Variants in CAMK1D observed in about 807,000 individuals in gnomAD.
CAMK1D encodes the protein calcium/calmodulin-dependent protein kinase type 1D.
A neutral mutation model predicts 47.7 loss-of-function variants in CAMK1D; 9 were observed. The ratio of observed to expected loss-of-function variants is 0.19; its 90% CI spans 0.11 to 0.33. The LOEUF (loss-of-function observed/expected upper bound fraction) is 0.33, where lower values mean the gene tolerates loss of function less well. Among genes scored for constraint, CAMK1D ranks in the 10% least tolerant of loss-of-function variants. The pLI is 1.00. For synonymous variants in CAMK1D, 184 were observed against 184.9 expected (o/e 0.99, Z 0.04); for missense variants, 291 against 488.7 (o/e 0.60, Z 3.81).
chr10:12,789,260 A>T (rs1837873592), intron 5 of CAMK1D, among the ~76,000 whole-genome samples: 1 of 151,176 alleles, frequency 6.6e-6, no homozygotes. Context: ...GTATTAGTGT[A>T]TTTTATGTGA....
chr10:12,797,487 A>G (rs545429512), intron 6 of CAMK1D, among the ~76,000 whole-genome samples: 2 of 152,102 alleles, frequency 1.3e-5, no homozygotes, highest in East Asian at 1.9e-4. Flanking sequence ...CATTACAGGT[A>G]TGAGCCACAG....
At chr10:12,813,250 G>T (rs1832675290) in intron 6 of CAMK1D, among the ~76,000 whole-genome samples, 1 of 152,176 alleles carries the variant, frequency 6.6e-6, no homozygotes, top group African/African-American at 2.4e-5. Context: ...ATGTTAATGG[G>T]CAAAACCACA....
chr10:12,362,520 T>C (rs1047798098), intron 1 of CAMK1D, among the ~76,000 whole-genome samples: 24 of 152,198 alleles, frequency 1.6e-4, no homozygotes, highest in Admixed American at 1.0e-3. Flanking sequence ...TTGTTTGAGA[T>C]GGAGTCTCGC....
At chr10:12,477,577 G>A (rs968507667) in intron 1 of CAMK1D, among the ~76,000 whole-genome samples, 1 of 152,194 alleles carries the variant, frequency 6.6e-6, no homozygotes, top group East Asian at 1.9e-4. Context: ...CAGGAAGAAC[G>A]GGATTTAGGT....
At chr10:12,624,521 C>T (rs955898898) in intron 2 of CAMK1D, among the ~76,000 whole-genome samples, 2 of 152,154 alleles carry the variant, frequency 1.3e-5, no homozygotes, top group African/African-American at 4.8e-5. Context: ...GTGACCGGCC[C>T]ATTTCACTCA....
At position 12,833,980 on chromosome 10, in the gene CAMK1D, C is replaced by T. The variant is rs908107862; in HGVS notation, c.*5093C>T. ...TGTGATCCACCACCCTTTTGAGGGG[C>T]ACCTGGTCCTCGGTTGGGGCTGCAG... is the stretch of plus-strand genomic sequence containing the variant. On this transcript the variant is annotated 3_prime_UTR_variant, in exon 11 of 11. Transcript: ENST00000619168. 2 of 149,556 alleles carry T rather than the reference C, an allele frequency of 1.3e-5. No homozygotes were observed. The highest frequency in any genetic ancestry group is 2.5e-5 in the African/African-American group (1 of 40,636). 9.3% of individuals were successfully genotyped at this position (149,556 alleles called of 1,614,324 possible). A position where few individuals can be genotyped will look rare whatever the true frequency, so the allele number is the denominator to read the frequency against.
chr10:12,501,193 CTGTT>C (rs1834692564), intron 1 of CAMK1D, among the ~76,000 whole-genome samples: 1 of 152,178 alleles, frequency 6.6e-6, no homozygotes, highest in Non-Finnish European at 1.5e-5. Flanking sequence ...TAGCAATTTC[CTGTT>C]TATTTTAGTT....
At chr10:12,482,578 T>C (rs1243453253) in intron 1 of CAMK1D, among the ~76,000 whole-genome samples, 1 of 152,180 alleles carries the variant, frequency 6.6e-6, no homozygotes, top group Middle Eastern at 3.2e-3. Flanking sequence ...TGAAAAAGGA[T>C]GAGGCCTGGG....
chr10:12,818,173 G>A (rs1013798857), intron 8 of CAMK1D, among the ~76,000 whole-genome samples: 1 of 152,146 alleles, frequency 6.6e-6, no homozygotes, highest in African/African-American at 2.4e-5. Context: ...TTCCCCTGGG[G>A]TCTTGTGTGC....
intron 2 of CAMK1D, among the ~76,000 whole-genome samples, chr10:12,592,437 T>A (rs1030883959): frequency 3.3e-5 from 5 of 152,352 alleles, no homozygotes; most frequent in Middle Eastern, 3.4e-3. Context: ...GTGATGACAT[T>A]GTCTTGTTTT....
At chr10:12,655,573 C>A (rs1840095103) in intron 2 of CAMK1D, among the ~76,000 whole-genome samples, 1 of 152,148 alleles carries the variant, frequency 6.6e-6, no homozygotes, top group Admixed American at 6.5e-5. Context: ...ATTAATTGTT[C>A]ATTCATTCAT....
chr10:12,425,456 A>G (rs1223586996), intron 1 of CAMK1D, among the ~76,000 whole-genome samples: 1 of 151,570 alleles, frequency 6.6e-6, no homozygotes, highest in African/African-American at 2.4e-5. Flanking sequence ...TAATTTTTGT[A>G]TTTTTAGTAG....
intron 1 of CAMK1D, among the ~76,000 whole-genome samples, chr10:12,522,265 C>G (rs567774570): frequency 7.1e-6 from 1 of 140,038 alleles, no homozygotes; most frequent in South Asian, 2.4e-4. Flanking sequence ...GGCAGGGTCA[C>G]AGGACAATAG....
At chr10:12,363,059 G>T (rs1837725833) in intron 1 of CAMK1D, among the ~76,000 whole-genome samples, 1 of 151,034 alleles carries the variant, frequency 6.6e-6, no homozygotes, top group African/African-American at 2.4e-5. Flanking sequence ...TCCTGTCTCA[G>T]CCTACCAAGT....
intron 3 of CAMK1D, among the ~76,000 whole-genome samples, chr10:12,688,296 A>G (rs1564493088): frequency 6.6e-6 from 1 of 152,210 alleles, no homozygotes; most frequent in African/African-American, 2.4e-5. Context: ...AACTCTGCTT[A>G]GTGTGAATGA....
At chr10:12,733,038 G>A (rs1834967118) in intron 3 of CAMK1D, among the ~76,000 whole-genome samples, 1 of 152,198 alleles carries the variant, frequency 6.6e-6, no homozygotes, top group Non-Finnish European at 1.5e-5. Context: ...CCAGCATATA[G>A]CAATTACGAT....
At chr10:12,471,746 C>G (rs888142588) in intron 1 of CAMK1D, among the ~76,000 whole-genome samples, 3 of 152,026 alleles carry the variant, frequency 2.0e-5, no homozygotes, top group African/African-American at 4.8e-5. Context: ...AAAAAGCTGT[C>G]TCTGGCCAGG....
intron 2 of CAMK1D, among the ~76,000 whole-genome samples, chr10:12,602,476 A>G (rs1838331558): frequency 6.6e-6 from 1 of 152,198 alleles, no homozygotes; most frequent in African/African-American, 2.4e-5. Flanking sequence ...GATGAAAGAA[A>G]GATTCCTGGG....
intron 3 of CAMK1D, among the ~76,000 whole-genome samples, chr10:12,681,504 G>A (rs752927903): frequency 5.9e-5 from 9 of 152,250 alleles, no homozygotes; most frequent in Non-Finnish European, 8.8e-5. Context: ...CCACATTGTC[G>A]GATGAGTGGC....
Sources: allele counts gnomAD v4.1 joint callset (sites outside exome capture counted in the v4.1 genomes callset), GRCh38; gene constraint gnomAD v4.1.1; transcripts MANE v1.5; gene names NCBI Gene and HGNC (gene_info 2026-07-23, HGNC 2026-07-21).